Variants in RIMS1 observed in about 807,000 individuals in gnomAD.
RIMS1 encodes regulating synaptic membrane exocytosis 1.
In RIMS1, 83 loss-of-function variants were observed where a neutral mutation model predicts 214.1. The observed-to-expected ratio is 0.39, with a 90% CI of 0.32 to 0.47. The LOEUF is 0.47. Among genes scored for constraint, RIMS1 ranks in the 20% least tolerant of loss-of-function variants. The probability of loss-of-function intolerance (pLI) is 0.99; values close to 1 mark genes in which losing one functional copy is unlikely to be tolerated. For synonymous variants in RIMS1, 793 were observed against 786.8 expected, an observed-to-expected ratio of 1.01 and a Z score of -0.13; for missense variants, 2,050 against 2,161.8, an observed-to-expected ratio of 0.95 and a Z score of 1.03.
At chr6:72,246,651 G>A (rs1350148693) in intron 11 of RIMS1, among the ~76,000 whole-genome samples, 2 of 152,242 alleles carry the variant, frequency 1.3e-5, no homozygotes, top group East Asian at 3.9e-4. Context: ...CAAGGAAACA[G>A]ACACTAGGTT....
intron 4 of RIMS1, among the ~76,000 whole-genome samples, chr6:72,114,794 A>G (rs1047900851): frequency 7.9e-5 from 12 of 151,946 alleles, no homozygotes; most frequent in African/African-American, 2.4e-4. Flanking sequence ...CTAAAATAAA[A>G]TCATTAGAAC....
chr6:72,034,940 G>A (rs1486500821), intron 2 of RIMS1, among the ~76,000 whole-genome samples: 1 of 152,056 alleles, frequency 6.6e-6, no homozygotes, highest in Non-Finnish European at 1.5e-5. Flanking sequence ...CTTCTGTTTG[G>A]ACATTATAAG....
intron 2 of RIMS1, among the ~76,000 whole-genome samples, chr6:72,039,390 CT>C (rs1248846720): frequency 6.6e-6 from 1 of 151,986 alleles, no homozygotes; most frequent in Non-Finnish European, 1.5e-5. Context: ...GCAGATCTTC[CT>C]TTGTACCTGA....
At chr6:71,889,750 A>G (rs529740455) in intron 1 of RIMS1, among the ~76,000 whole-genome samples, 2 of 152,366 alleles carry the variant, frequency 1.3e-5, no homozygotes, top group Admixed American at 1.3e-4. Flanking sequence ...ATAGTCATAG[A>G]TGGTGGCCTT....
intron 29 of RIMS1, among the ~76,000 whole-genome samples, chr6:72,372,561 T>G (rs942598122): frequency 6.6e-6 from 1 of 152,204 alleles, no homozygotes; most frequent in African/African-American, 2.4e-5. Context: ...ACAGCCAAAA[T>G]CAATTTACCA....
intron 4 of RIMS1, among the ~76,000 whole-genome samples, chr6:72,137,268 A>G (rs2041438515): frequency 6.6e-6 from 1 of 152,210 alleles, no homozygotes; most frequent in East Asian, 1.9e-4. Flanking sequence ...ATTCCAGAAA[A>G]AAGTTATTTT....
chr6:72,068,755 C>T (rs1829903898), intron 2 of RIMS1, among the ~76,000 whole-genome samples: 1 of 151,730 alleles, frequency 6.6e-6, no homozygotes, highest in Non-Finnish European at 1.5e-5. Context: ...CCTAAAAATA[C>T]AAAAAATTAG....
rs968800444 is a variant in RIMS1, at chr6:72,292,123, TG to T, written c.3850+78del. ...CTCTATTTATACCCCTTTTATTAAA[TG>T]AATAGTATTTTGATTATATGTAGTT... On this transcript the variant is annotated intron_variant, in intron 26 of 33. Transcript: ENST00000521978. 3 of 883,222 alleles carry T rather than the reference TG, an allele frequency of 3.4e-6. No individual in the cohort carries two copies. The Admixed American group carries it at 8.3e-5, about 24-fold the overall frequency. 54.7% of individuals were successfully genotyped at this position (883,222 alleles called of 1,614,324 possible).
At chr6:72,041,443 A>G (rs958080259) in intron 2 of RIMS1, among the ~76,000 whole-genome samples, 1 of 151,946 alleles carries the variant, frequency 6.6e-6, no homozygotes, top group African/African-American at 2.4e-5. Flanking sequence ...ATGACTTAAG[A>G]TGAAGGGAGG....
chr6:72,271,827 T>C (rs542078743), intron 22 of RIMS1, among the ~76,000 whole-genome samples: 9 of 152,302 alleles, frequency 5.9e-5, no homozygotes, highest in African/African-American at 1.7e-4. Context: ...ATTTGTTTAT[T>C]CTGTGCTATG....
At chr6:71,911,096 T>A (rs986641685) in intron 1 of RIMS1, among the ~76,000 whole-genome samples, 2 of 152,196 alleles carry the variant, frequency 1.3e-5, no homozygotes, top group African/African-American at 4.8e-5. Context: ...AGAAGCCATA[T>A]TGAAGACAAA....
intron 1 of RIMS1, among the ~76,000 whole-genome samples, chr6:71,951,483 T>A (rs1414409219): frequency 7.7e-6 from 1 of 129,168 alleles, no homozygotes; most frequent in Admixed American, 8.0e-5. Context: ...TTTTTCTTTT[T>A]TTTTTTTTTT....
At chr6:72,262,273 A>G (rs2078386568) in intron 19 of RIMS1, 1 of 838,184 alleles carries the variant, frequency 1.2e-6, no homozygotes, top group African/African-American at 1.8e-5. Flanking sequence ...TATACTTAAG[A>G]TTGGTGCTTT....
chr6:72,215,602 T>C (rs1477810193), intron 6 of RIMS1, among the ~76,000 whole-genome samples: 1 of 152,206 alleles, frequency 6.6e-6, no homozygotes, highest in East Asian at 1.9e-4. Context: ...CTAAATAAAA[T>C]TAATAGACAG....
intron 4 of RIMS1, among the ~76,000 whole-genome samples, chr6:72,113,951 T>G (rs2036584219): frequency 1.3e-5 from 2 of 152,124 alleles, no homozygotes; most frequent in Admixed American, 1.3e-4. Flanking sequence ...TAATGTAACC[T>G]GTAGTATATT....
chr6:72,316,663 C>A, intron 28 of RIMS1: 1 of 558,384 alleles, frequency 1.8e-6, no homozygotes, highest in South Asian at 1.6e-5. Context: ...ATGGCTGACC[C>A]AAATGTCATA....
intron 28 of RIMS1, among the ~76,000 whole-genome samples, chr6:72,320,697 A>G (rs981409308): frequency 1.3e-5 from 2 of 152,002 alleles, no homozygotes; most frequent in Non-Finnish European, 2.9e-5. Flanking sequence ...TATGTTTATT[A>G]TACACTTGGT....
chr6:72,376,864 T>C (rs551666862), intron 29 of RIMS1, among the ~76,000 whole-genome samples: 7 of 152,250 alleles, frequency 4.6e-5, no homozygotes, highest in Admixed American at 1.3e-4. Flanking sequence ...AACAAAATTA[T>C]GCAACAGACT....
At chr6:72,065,450 A>C (rs1220034755) in intron 2 of RIMS1, among the ~76,000 whole-genome samples, 1 of 152,194 alleles carries the variant, frequency 6.6e-6, no homozygotes, top group Non-Finnish European at 1.5e-5. Context: ...ACTTTTTAAA[A>C]TTATTAATGT....
Sources: allele counts gnomAD v4.1 joint callset (sites outside exome capture counted in the v4.1 genomes callset), GRCh38; gene constraint gnomAD v4.1.1; transcripts MANE v1.5; gene names NCBI Gene and HGNC (gene_info 2026-07-23, HGNC 2026-07-21).